The following ZFAT variants were observed in gnomAD, a reference collection of about 807,000 sequenced individuals.
ZFAT encodes zinc finger and AT-hook domain containing.
In ZFAT, 64 loss-of-function variants were observed where a neutral mutation model predicts 117.7. That is an observed-to-expected ratio of 0.54 (90% CI 0.44 to 0.67). ZFAT has a LOEUF of 0.67. Ranked by LOEUF, ZFAT falls within the 30% of genes least tolerant of loss-of-function variation. The pLI, the probability that ZFAT is intolerant of heterozygous loss-of-function variation, is 0.00. For synonymous variants in ZFAT, 679 were observed against 615.0 expected, an observed-to-expected ratio of 1.10 and a Z score of -1.54; for missense variants, 1,433 against 1,584.5, an observed-to-expected ratio of 0.90 and a Z score of 1.62.
chr8:134,831,955 C>A, the ZFAT span, among the ~76,000 whole-genome samples: 1 of 151,218 alleles, frequency 6.6e-6, no homozygotes, highest in Non-Finnish European at 1.5e-5. Context: ...CCGCTCCGGA[C>A]GCCCTCTCCC....
At chr8:134,656,853 T>C (rs1300453023) in intron 2 of ZFAT, among the ~76,000 whole-genome samples, 4 of 152,212 alleles carry the variant, frequency 2.6e-5, no homozygotes, top group African/African-American at 7.2e-5. Flanking sequence ...GGGGACCTAA[T>C]TACAGTGCCT....
intron 14 of ZFAT, among the ~76,000 whole-genome samples, chr8:134,510,355 C>T (rs1244273229): frequency 1.3e-5 from 2 of 152,174 alleles, no homozygotes; most frequent in African/African-American, 4.8e-5. Context: ...CATCTGCAAC[C>T]GTCCTGAGCA....
At chr8:134,511,525 A>C (rs1010297331) in intron 14 of ZFAT, among the ~76,000 whole-genome samples, 3 of 152,162 alleles carry the variant, frequency 2.0e-5, no homozygotes, top group African/African-American at 7.2e-5. Context: ...TTTTCTGTGC[A>C]GCTTTCTTAC....
At chr8:134,560,057 G>C (rs1823937545) in intron 11 of ZFAT, among the ~76,000 whole-genome samples, 1 of 152,088 alleles carries the variant, frequency 6.6e-6, no homozygotes, top group African/African-American at 2.4e-5. Context: ...GAGAAATCTA[G>C]CATAGTTTCC....
intron 8 of ZFAT, 89 bp from the exon 9 acceptor site, chr8:134,588,484 G>C: frequency 2.2e-6 from 3 of 1,382,654 alleles, no homozygotes; most frequent in East Asian, 5.1e-5. Context: ...AGCACCCACA[G>C]GAGGAATCAA....
the ZFAT span, among the ~76,000 whole-genome samples, chr8:134,721,738 C>T: frequency 5.9e-5 from 9 of 152,272 alleles, no homozygotes; most frequent in African/African-American, 1.9e-4. Flanking sequence ...CGCCCCTTTC[C>T]GTGATTCTTA....
At chr8:134,742,497 T>C in the ZFAT span, among the ~76,000 whole-genome samples, 2 of 152,096 alleles carry the variant, frequency 1.3e-5, no homozygotes, top group African/African-American at 4.8e-5. Context: ...TCTGGCCACA[T>C]TGATCTCCTT....
chr8:134,813,119 T>C, the ZFAT span, among the ~76,000 whole-genome samples: 1 of 152,238 alleles, frequency 6.6e-6, no homozygotes. Flanking sequence ...TCACTTTGGA[T>C]AGCTTATTCA....
intron 14 of ZFAT, among the ~76,000 whole-genome samples, chr8:134,512,189 C>G (rs1433499813): frequency 6.6e-6 from 1 of 152,194 alleles, no homozygotes; most frequent in African/African-American, 2.4e-5. Context: ...ATAGTCAGAT[C>G]TCCTCCCCTC....
At chr8:134,550,684 C>T (rs1823095935) in intron 11 of ZFAT, among the ~76,000 whole-genome samples, 1 of 152,058 alleles carries the variant, frequency 6.6e-6, no homozygotes, top group African/African-American at 2.4e-5. Context: ...TAAAACAATC[C>T]AATTTCCTTT....
At chr8:134,489,980 C>T (rs879818048) in intron 15 of ZFAT, among the ~76,000 whole-genome samples, 9 of 152,194 alleles carry the variant, frequency 5.9e-5, no homozygotes, top group South Asian at 2.1e-4. Flanking sequence ...ACACACTCCA[C>T]GTCCAAAGCA....
At chr8:134,585,952 C>T (rs1826038394) in intron 9 of ZFAT, among the ~76,000 whole-genome samples, 1 of 152,150 alleles carries the variant, frequency 6.6e-6, no homozygotes, top group Admixed American at 6.5e-5. Context: ...ACAATCAATA[C>T]CTGTGTTTTC....
chr8:134,703,160 C>G (rs946377868), intron 1 of ZFAT, among the ~76,000 whole-genome samples: 14 of 152,182 alleles, frequency 9.2e-5, no homozygotes, highest in Non-Finnish European at 1.9e-4. Context: ...TCCTTATCAG[C>G]ACTTGGGATT....
intron 11 of ZFAT, among the ~76,000 whole-genome samples, chr8:134,553,368 T>C (rs1157804136): frequency 6.6e-6 from 1 of 152,104 alleles, no homozygotes; most frequent in Non-Finnish European, 1.5e-5. Context: ...CCGGGCGCGG[T>C]GGCAGGCACC....
upstream of ZFAT, chr8:134,713,112 A>AGCGCGGCCCGGCGCCGG (rs1814090273): frequency 1.8e-5 from 7 of 396,006 alleles, no homozygotes; most frequent in Non-Finnish European, 3.1e-5. Flanking sequence ...CCCGGCGCCG[A>AGCGCGGCCCGGCGCCGG]GCGCGGCCCG....
At chr8:134,713,190 G>A, upstream of ZFAT, 2 of 239,176 alleles carry the variant, frequency 8.4e-6, no homozygotes, top group African/African-American at 2.3e-5. Context: ...CACGGATTCC[G>A]CTGCGCCGCG....
the ZFAT span, among the ~76,000 whole-genome samples, chr8:134,759,653 C>T: frequency 0.39 from 58,277 of 151,192 alleles, 11,278 homozygotes; most frequent in Admixed American, 0.46. Flanking sequence ...AACTCTACAA[C>T]TGAATTCATA....
intron 11 of ZFAT, among the ~76,000 whole-genome samples, chr8:134,554,698 A>T (rs1031133116): frequency 9.2e-5 from 14 of 152,212 alleles, no homozygotes. Flanking sequence ...AGCTGGAGAG[A>T]GACAGAAACT....
At chr8:134,506,592 C>A (rs1819427119) in intron 15 of ZFAT, among the ~76,000 whole-genome samples, 1 of 152,214 alleles carries the variant, frequency 6.6e-6, no homozygotes, top group Non-Finnish European at 1.5e-5. Flanking sequence ...CCATTACTTT[C>A]ATCCCAGAAG....
Sources: allele counts gnomAD v4.1 joint callset (sites outside exome capture counted in the v4.1 genomes callset), GRCh38; gene constraint gnomAD v4.1.1; transcripts MANE v1.5; gene names NCBI Gene and HGNC (gene_info 2026-07-23, HGNC 2026-07-21).